The following SMYD3 variants were observed in gnomAD, a reference collection of about 807,000 sequenced individuals.
SMYD3 encodes histone-lysine N-methyltransferase SMYD3.
SMYD3 carries 36 observed loss-of-function variants against 57.7 expected under a neutral mutation model. The observed-to-expected ratio is 0.62, with a 90% CI of 0.48 to 0.82. The LOEUF (loss-of-function observed/expected upper bound fraction) is 0.82, where lower values mean the gene tolerates loss of function less well. SMYD3 is among the 40% of genes least tolerant of loss of function. SMYD3 has a pLI of 0.00. For missense variants in SMYD3, 515 were observed against 538.8 expected, an observed-to-expected ratio of 0.96 and a Z score of 0.44; for synonymous variants, 211 against 195.0, an observed-to-expected ratio of 1.08 and a Z score of -0.68.
At chr1:245,812,207 A>G (rs1934581) in intron 10 of SMYD3, among the ~76,000 whole-genome samples, 151,665 of 152,296 alleles carry the variant, frequency 1, 75,521 homozygotes, top group Middle Eastern at 1. Context: ...GGATGGATTG[A>G]AGGACTAAAG....
intron 2 of SMYD3, among the ~76,000 whole-genome samples, chr1:246,352,896 G>T (rs2065853991): frequency 1.3e-5 from 2 of 152,098 alleles, no homozygotes; most frequent in South Asian, 2.1e-4. Context: ...AAACTGTTTA[G>T]GTCATTGAGA....
In SMYD3 at chr1:246,441,046, T is replaced by C. The variant is rs142867611; in HGVS notation, c.164+66008A>G. On this transcript the variant is annotated intron_variant, in intron 1 of 11. Transcript: ENST00000490107. Reference sequence around the variant, plus strand: ...CTGGTTACATTACGTAGAAGTAAATTATAGGTGACCCTTAATCTCTGTTTT... The same window carrying C: ...CTGGTTACATTACGTAGAAGTAAATCATAGGTGACCCTTAATCTCTGTTTT... Among the ~76,000 whole-genome samples the C allele has an allele frequency of 4.5e-3, 691 of 152,266 alleles. 8 individuals are homozygous for C. Among genetic ancestry groups the C allele is most frequent in the Middle Eastern group, 6.8e-3 (2 of 294 alleles).
chr1:246,333,073 T>C (rs1004403802), intron 3 of SMYD3, among the ~76,000 whole-genome samples: 1 of 152,184 alleles, frequency 6.6e-6, no homozygotes, highest in African/African-American at 2.4e-5. Flanking sequence ...TGACTTTAGG[T>C]TGAAGCCAGT....
chr1:246,488,064 C>T (rs1345329542), intron 1 of SMYD3, among the ~76,000 whole-genome samples: 1 of 152,188 alleles, frequency 6.6e-6, no homozygotes, highest in African/African-American at 2.4e-5. Context: ...TGATCTTCCA[C>T]AAGTGCCTCA....
At chr1:246,317,232 T>C (rs916479793) in intron 5 of SMYD3, among the ~76,000 whole-genome samples, 1 of 152,232 alleles carries the variant, frequency 6.6e-6, no homozygotes, top group Non-Finnish European at 1.5e-5. Flanking sequence ...TTACTGTGTG[T>C]GTACTGTGCT....
chr1:246,393,144 A>T (rs1466686665), intron 1 of SMYD3, among the ~76,000 whole-genome samples: 1 of 152,214 alleles, frequency 6.6e-6, no homozygotes, highest in Non-Finnish European at 1.5e-5. Flanking sequence ...TTTAGAAAGA[A>T]GGAAAATGTT....
At chr1:246,109,153 T>C (rs1374071538) in intron 5 of SMYD3, among the ~76,000 whole-genome samples, 2 of 151,868 alleles carry the variant, frequency 1.3e-5, no homozygotes, top group South Asian at 2.1e-4. Context: ...ACGAAGAATA[T>C]ATTTGATAAA....
rs182230150 is a variant in SMYD3, at chr1:245,866,622, C to T, written c.814-2736G>A. Among the ~76,000 whole-genome samples the T allele has an allele frequency of 5.7e-3, 870 of 152,212 alleles. 7 individuals are homozygous for T. Among genetic ancestry groups the T allele is most frequent in the Non-Finnish European group, 7.1e-3 (483 of 68,022 alleles). ...TGGCACACGCCTGTAATCCCAGATACTTGGGAGGCTGAGGCAGGAGAATGG... is the reference window on the plus strand; with the variant it reads ...TGGCACACGCCTGTAATCCCAGATATTTGGGAGGCTGAGGCAGGAGAATGG... On this transcript the variant is annotated intron_variant, in intron 8 of 11. Coordinates refer to ENST00000490107, the MANE Select transcript of SMYD3 (RefSeq NM_001167740.2).
At chr1:245,850,274 T>C (rs1464752291) in intron 10 of SMYD3, among the ~76,000 whole-genome samples, 1 of 152,206 alleles carries the variant, frequency 6.6e-6, no homozygotes, top group African/African-American at 2.4e-5. Context: ...ACTTAATCAC[T>C]TGGTCAGCTG....
At chr1:246,151,795 C>T (rs1032600456) in intron 5 of SMYD3, among the ~76,000 whole-genome samples, 4 of 152,024 alleles carry the variant, frequency 2.6e-5, no homozygotes, top group African/African-American at 7.3e-5. Context: ...AGGATTCAGG[C>T]GTATGTAGGC....
intron 8 of SMYD3, among the ~76,000 whole-genome samples, chr1:245,897,385 A>C (rs1401408210): frequency 6.6e-6 from 1 of 152,196 alleles, no homozygotes; most frequent in Non-Finnish European, 1.5e-5. Context: ...AATTTTTCAA[A>C]CTATATACAT....
intron 5 of SMYD3, among the ~76,000 whole-genome samples, chr1:246,223,130 G>C (rs1027013773): frequency 3.3e-5 from 5 of 149,290 alleles, no homozygotes; most frequent in African/African-American, 1.3e-4. Flanking sequence ...TTTGATTCAA[G>C]ACAGGGAGGG....
chr1:245,856,383 G>C (rs1459091249), intron 10 of SMYD3, among the ~76,000 whole-genome samples: 1 of 152,206 alleles, frequency 6.6e-6, no homozygotes, highest in Non-Finnish European at 1.5e-5. Context: ...ACACGCCAGG[G>C]AAGAGAAACC....
chr1:245,961,227 T>C (rs1175445211), intron 5 of SMYD3, among the ~76,000 whole-genome samples: 1 of 152,198 alleles, frequency 6.6e-6, no homozygotes, highest in Admixed American at 6.5e-5. Flanking sequence ...TCTCTTCTCA[T>C]AGAAACAGGG....
intron 5 of SMYD3, among the ~76,000 whole-genome samples, chr1:246,137,287 A>G (rs1465967036): frequency 6.6e-6 from 1 of 152,190 alleles, no homozygotes; most frequent in Non-Finnish European, 1.5e-5. Context: ...ACCTGAGTCC[A>G]TGGGATTCAC....
At chr1:246,245,120 C>CTTTTTT (rs74163421) in intron 5 of SMYD3, among the ~76,000 whole-genome samples, 14 of 122,948 alleles carry the variant, frequency 1.1e-4, no homozygotes, top group African/African-American at 9.2e-5. Flanking sequence ...CAGCTACTGC[C>CTTTTTT]TTTTTTTTTT....
chr1:246,142,441 C>T (rs1572098723), intron 5 of SMYD3, among the ~76,000 whole-genome samples: 1 of 152,080 alleles, frequency 6.6e-6, no homozygotes, highest in South Asian at 2.1e-4. Flanking sequence ...TCCAAATTGA[C>T]AGCGCTAGTC....
chr1:246,002,258 C>G (rs904297506), intron 5 of SMYD3, among the ~76,000 whole-genome samples: 11 of 140,124 alleles, frequency 7.9e-5, no homozygotes, highest in Admixed American at 1.5e-4. Context: ...GATCTCGGCT[C>G]ACTGCAAGCT....
In SMYD3 at chr1:246,231,615, A is replaced by G. The variant is rs990127535; in HGVS notation, c.531+95586T>C. Among the ~76,000 whole-genome samples, 15 of 152,354 alleles carry G rather than the reference A, an allele frequency of 9.8e-5. No individual in the cohort carries two copies. The East Asian group carries it at 2.9e-3, about 29-fold the overall frequency. On this transcript the variant is annotated intron_variant, in intron 5 of 11. Transcript: ENST00000490107. ...ACTGCAAGGGAAATATCAAAATAACATCACGAAACATTTCATAATATCCTA... is the reference window on the plus strand; with the variant it reads ...ACTGCAAGGGAAATATCAAAATAACGTCACGAAACATTTCATAATATCCTA...
Sources: allele counts gnomAD v4.1 joint callset (sites outside exome capture counted in the v4.1 genomes callset), GRCh38; gene constraint gnomAD v4.1.1; transcripts MANE v1.5; gene names NCBI Gene and HGNC (gene_info 2026-07-23, HGNC 2026-07-21).